SPATA13: variants seen among roughly 807,000 people sequenced by gnomAD.
The protein encoded by SPATA13 is spermatogenesis-associated protein 13.
SPATA13 carries 50 observed loss-of-function variants against 104.0 expected under a neutral mutation model. That is an observed-to-expected ratio of 0.48 (90% confidence interval 0.38 to 0.61). The LOEUF is 0.61. Among genes scored for constraint, SPATA13 ranks in the 20% least tolerant of loss-of-function variants. The pLI is 0.00. For missense variants in SPATA13, 1,524 were observed against 1,690.6 expected (o/e 0.90, Z 1.73); for synonymous variants, 606 against 667.5 (o/e 0.91, Z 1.42).
intron 4 of SPATA13, chr13:24,272,786 C>T (rs745404035): frequency 1.3e-5 from 2 of 152,402 alleles, no homozygotes; most frequent in South Asian, 2.1e-4. Flanking sequence ...CTTTGAGCCA[C>T]GGTTTCCTCC....
chr13:24,224,566 A>G lies in SPATA13; in HGVS notation c.1637A>G (p.Glu546Gly), dbSNP rs1439502963. The G allele has an allele frequency of 3.9e-6, 6 of 1,539,066 alleles. No individual in the cohort carries two copies. Among genetic ancestry groups the G allele is most frequent in the Non-Finnish European group, 5.2e-6 (6 of 1,146,876 alleles). ...VNIGVAAGPE[E>G]KEKEEVVPDG... ...ATTGGTGTGGCAGCCGGCCCAGAAG[A>G]AAAGGAGAAGGAGGAGGTAAGGGCA... Residue 546 changes from glutamate to glycine, a missense_variant, in exon 2 of 13, where the codon GAA becomes GGA. Transcript: ENST00000382108.
chr13:24,061,961 A>G lies in SPATA13; in HGVS notation c.-112+44260A>G, dbSNP rs1878788469. Among the ~76,000 whole-genome samples the G allele has an allele frequency of 2.0e-5, 3 of 152,208 alleles. No homozygotes were observed. The South Asian group carries it at 6.2e-4, about 32-fold the overall frequency. ...ACCCAAAGCCACACAGCTAGCTGGTATGTTTTAGAACTAAGCTTTAACTTA... is the reference window on the plus strand; with the variant it reads ...ACCCAAAGCCACACAGCTAGCTGGTGTGTTTTAGAACTAAGCTTTAACTTA... On this transcript the variant is annotated intron_variant, in intron 3 of 14. Transcript: ENST00000424834.
chr13:24,180,868 C>G (rs112450702), intron 1 of SPATA13, among the ~76,000 whole-genome samples: 1,881 of 152,152 alleles, frequency 0.012, 37 homozygotes, highest in African/African-American at 0.043. Flanking sequence ...AAATGCATTG[C>G]TAGGCAATTT....
exon 1 of SPATA13, chr13:23,979,888 AG>A (rs1296059296): frequency 6.6e-6 from 1 of 152,310 alleles, no homozygotes; most frequent in African/African-American, 2.4e-5. Flanking sequence ...GATCCCTCCA[AG>A]GACCCTCTGA....
intron 4 of SPATA13, chr13:24,253,014 T>C (rs1164456195): frequency 5.9e-5 from 9 of 152,150 alleles, no homozygotes; most frequent in African/African-American, 2.2e-4. Context: ...GTATACTTAT[T>C]TGGGGAGGAG....
intron 2 of SPATA13, among the ~76,000 whole-genome samples, chr13:24,226,860 C>T (rs969776413): frequency 1.3e-5 from 2 of 152,200 alleles, no homozygotes; most frequent in Non-Finnish European, 2.9e-5. Context: ...AGGACTATCG[C>T]AGAGTACTTT....
chr13:24,282,572 C>A (rs888266162), intron 4 of SPATA13, among the ~76,000 whole-genome samples: 7 of 147,058 alleles, frequency 4.8e-5, no homozygotes, highest in African/African-American at 1.7e-4. Flanking sequence ...TTCCTGATGC[C>A]ATTTCCTCGG....
intron 2 of SPATA13, among the ~76,000 whole-genome samples, chr13:24,001,258 T>G (rs1435963709): frequency 6.6e-6 from 1 of 151,738 alleles, no homozygotes; most frequent in African/African-American, 2.4e-5. Context: ...ATCGCTGAGG[T>G]GGAGGGTGAG....
chr13:24,276,689 C>A (rs1482165372), intron 4 of SPATA13, among the ~76,000 whole-genome samples: 1 of 152,180 alleles, frequency 6.6e-6, no homozygotes, highest in Non-Finnish European at 1.5e-5. Context: ...ATAATACATT[C>A]ATTTCTCCTG....
chr13:24,006,299 T>A (rs997574432), intron 2 of SPATA13, among the ~76,000 whole-genome samples: 1 of 152,166 alleles, frequency 6.6e-6, no homozygotes, highest in South Asian at 2.1e-4. Context: ...ATCAACTAAC[T>A]CATCAGCAGG....
chr13:24,262,468 C>T (rs974416971), intron 4 of SPATA13, among the ~76,000 whole-genome samples: 6 of 152,022 alleles, frequency 3.9e-5, no homozygotes, highest in African/African-American at 1.2e-4. Context: ...TGATTCATAG[C>T]CTAAGTGCAT....
intron 3 of SPATA13, among the ~76,000 whole-genome samples, chr13:24,064,577 A>C (rs1323114412): frequency 6.6e-6 from 1 of 152,194 alleles, no homozygotes; most frequent in African/African-American, 2.4e-5. Flanking sequence ...CATAGCAAGA[A>C]GACAGACATC....
intron 1 of SPATA13, among the ~76,000 whole-genome samples, chr13:24,197,101 G>C (rs1870099953): frequency 6.6e-6 from 1 of 152,166 alleles, no homozygotes; most frequent in Non-Finnish European, 1.5e-5. Flanking sequence ...TGATCTTACT[G>C]TTCCAGTTTT....
intron 3 of SPATA13, among the ~76,000 whole-genome samples, chr13:24,129,033 T>C (rs941408385): frequency 1.3e-5 from 2 of 152,244 alleles, no homozygotes; most frequent in African/African-American, 4.8e-5. Context: ...CTTTCTGTTG[T>C]TGTCACCCTG....
chr13:24,190,267 T>TACC (rs1566141539), intron 1 of SPATA13, among the ~76,000 whole-genome samples: 405 of 11,964 alleles, frequency 0.034, 167 homozygotes, highest in Admixed American at 0.05. Flanking sequence ...ATACATAATA[T>TACC]ATATTATTAT....
rs1288911557 is a variant in SPATA13 at position 24,065,978 on chromosome 13, T to C, written c.-112+48277T>C. Among the ~76,000 whole-genome samples the C allele has an allele frequency of 2.0e-5, 3 of 152,344 alleles. 1 individual carries two copies. The Middle Eastern group carries it at 0.01, about 518-fold the overall frequency. On this transcript the variant is annotated intron_variant, in intron 3 of 14. Coordinates refer to the SPATA13 transcript ENST00000424834. ...GGGAAACCTGAGATTGGTCTGGCCTTTCTAGGGCTGTTGTAAAGGTTAAAT... is the reference window on the plus strand; with the variant it reads ...GGGAAACCTGAGATTGGTCTGGCCTCTCTAGGGCTGTTGTAAAGGTTAAAT...
At chr13:24,185,694 T>C (rs143198207) in intron 1 of SPATA13, among the ~76,000 whole-genome samples, 88 of 151,268 alleles carry the variant, frequency 5.8e-4, no homozygotes, top group African/African-American at 2.0e-3. Context: ...AATTCCTGGA[T>C]TTAACTTAGA....
intron 2 of SPATA13, among the ~76,000 whole-genome samples, chr13:23,991,798 G>A (rs1875428538): frequency 6.6e-6 from 1 of 152,060 alleles, no homozygotes; most frequent in Non-Finnish European, 1.5e-5. Context: ...GGGCAGGTGG[G>A]CTGGGGTTGG....
intron 4 of SPATA13, among the ~76,000 whole-genome samples, chr13:24,281,121 A>G (rs975312337): frequency 2.0e-5 from 3 of 152,008 alleles, no homozygotes; most frequent in African/African-American, 4.8e-5. Flanking sequence ...TGCCCCTGGC[A>G]ACCGTCCCCT....
Sources: allele counts gnomAD v4.1 joint callset (sites outside exome capture counted in the v4.1 genomes callset), GRCh38; gene constraint gnomAD v4.1.1; transcripts MANE v1.5; gene names NCBI Gene and HGNC (gene_info 2026-07-23, HGNC 2026-07-21).